The following MYO1A variants were observed in gnomAD, a reference collection of about 807,000 sequenced individuals.
MYO1A encodes myosin IA.
A neutral mutation model predicts 138.5 loss-of-function variants in MYO1A; 127 were observed. That is an observed-to-expected ratio of 0.92 (90% confidence interval 0.79 to 1.06). The LOEUF (loss-of-function observed/expected upper bound fraction) is 1.06, where lower values mean the gene tolerates loss of function less well. Among genes scored for constraint, MYO1A ranks in the 50% least tolerant of loss-of-function variants. The pLI, the probability that MYO1A is intolerant of heterozygous loss-of-function variation, is 0.00. For missense variants in MYO1A, 1,211 were observed against 1,288.8 expected (o/e 0.94, Z 0.92); for synonymous variants, 477 against 497.5 (o/e 0.96, Z 0.55).
intron 19 of MYO1A, among the ~76,000 whole-genome samples, 177 bp from the exon 20 acceptor site, chr12:57,037,268 T>C (rs1304464501): frequency 6.6e-6 from 1 of 152,216 alleles, no homozygotes; most frequent in Non-Finnish European, 1.5e-5. Context: ...TCTAACTTTG[T>C]AGCAGGCAGT....
intron 14 of MYO1A, chr12:57,039,513 T>G (rs572425234): frequency 1.9e-6 from 1 of 539,166 alleles, no homozygotes; most frequent in African/African-American, 1.9e-5. Flanking sequence ...GGTGAGACAA[T>G]GCAGAGATCC....
chr12:57,050,884 T>C (rs2031311821), upstream of MYO1A: 1 of 152,156 alleles, frequency 6.6e-6, no homozygotes, highest in South Asian at 2.1e-4. Context: ...TCCATGCTAG[T>C]GCATGGCAGA....
chr12:57,036,277 C>T, intron 22 of MYO1A, 30 bp downstream of exon 22: 1 of 1,609,500 alleles, frequency 6.2e-7, no homozygotes, highest in Admixed American at 1.7e-5. Flanking sequence ...TGCTCCATCC[C>T]TAACATCCAC....
chr12:57,032,285 C>T (rs1298400470), intron 22 of MYO1A, among the ~76,000 whole-genome samples: 1 of 152,154 alleles, frequency 6.6e-6, no homozygotes, highest in Non-Finnish European at 1.5e-5. Context: ...CACTAGTCAA[C>T]ATTTATTGAG....
chr12:57,043,011 G>A lies in MYO1A; in HGVS notation c.1098+61C>T, dbSNP rs1037559679. 143 of 1,546,820 alleles carry A rather than the reference G, an allele frequency of 9.2e-5. 1 individual carries two copies. The East Asian group carries it at 2.9e-3, about 32-fold the overall frequency. On this transcript the variant is annotated intron_variant, in intron 12 of 27. Coordinates refer to ENST00000300119, the MANE Select transcript of MYO1A (RefSeq NM_005379.4). ...TCTCAGAAACCAAGATATAGGGCTG[G>A]TGACAGGGCAGGAAGGTGAGGCAGA...
At chr12:57,048,176 T>C (rs941643699) in intron 2 of MYO1A, 34 bp downstream of exon 2, 1 of 1,603,148 alleles carries the variant, frequency 6.2e-7, no homozygotes. Flanking sequence ...TCCAGCCACA[T>C]ATCCACAGCC....
chr12:57,029,096 C>A (rs375329193), intron 27 of MYO1A, 36 bp downstream of exon 27: 2 of 1,613,728 alleles, frequency 1.2e-6, no homozygotes, highest in African/African-American at 2.7e-5. Context: ...GGCCATCTAC[C>A]GTAAGCCGCC....
At chr12:57,043,763 T>G in intron 10 of MYO1A, 93 bp downstream of exon 10, 170 of 1,535,606 alleles carry the variant, frequency 1.1e-4, no homozygotes, top group Non-Finnish European at 1.3e-4. Flanking sequence ...TGCATCAGGG[T>G]GAGATCAATT....
chr12:57,046,778 T>C, intron 7 of MYO1A, 85 bp downstream of exon 7: 1 of 1,543,164 alleles, frequency 6.5e-7, no homozygotes. Context: ...CGTCTAACAT[T>C]CTGCCTTTCT....
In MYO1A at chr12:57,030,207, C is replaced by T; in HGVS notation, c.2591+3G>A. 1 of 1,613,392 alleles carries T rather than the reference C, an allele frequency of 6.2e-7. No homozygotes were observed. The highest frequency in any genetic ancestry group is 8.5e-7 in the Non-Finnish European group (1 of 1,179,314). ...GGCTGTGCAGGGTCTGGGAGGCCCTCACCTCTGGGGATATGAAGCCTTCTT... is the reference window on the plus strand; with the variant it reads ...GGCTGTGCAGGGTCTGGGAGGCCCTTACCTCTGGGGATATGAAGCCTTCTT... On this transcript the variant is annotated splice_donor_region_variant and intron_variant, in intron 24 of 27. Transcript: ENST00000300119.
At chr12:57,048,844 C>A (rs967296305) in intron 1 of MYO1A, among the ~76,000 whole-genome samples, 11 of 152,324 alleles carry the variant, frequency 7.2e-5, no homozygotes, top group African/African-American at 2.6e-4. Flanking sequence ...ACCCAACCTA[C>A]CCATAACCAT....
At chr12:57,030,117 G>T in intron 24 of MYO1A, 93 bp downstream of exon 24, 1 of 1,301,608 alleles carries the variant, frequency 7.7e-7, no homozygotes, top group South Asian at 1.2e-5. Context: ...AGCACCTGGG[G>T]GTGACAATCC....
chr12:57,050,540 A>G (rs1400498960), upstream of MYO1A, among the ~76,000 whole-genome samples: 1 of 151,974 alleles, frequency 6.6e-6, no homozygotes, highest in African/African-American at 2.4e-5. Context: ...TCTTCCTAGC[A>G]AAAAAACAGT....
At chr12:57,051,123 TA>T (rs1345842321), upstream of MYO1A, 2 of 152,158 alleles carry the variant, frequency 1.3e-5, no homozygotes, top group Non-Finnish European at 2.9e-5. Context: ...AAGAACAAAT[TA>T]GGTAATTATA....
chr12:57,032,836 T>C (rs900500448), intron 22 of MYO1A, among the ~76,000 whole-genome samples: 4 of 152,152 alleles, frequency 2.6e-5, no homozygotes, highest in South Asian at 2.1e-4. Flanking sequence ...TAGCATAATA[T>C]GATGTTTTAA....
intron 8 of MYO1A, among the ~76,000 whole-genome samples, chr12:57,045,957 G>A (rs137969677): frequency 5.9e-4 from 90 of 152,320 alleles, no homozygotes; most frequent in African/African-American, 2.0e-3. Flanking sequence ...AGTTCTTCGA[G>A]GACAGGGTCA....
rs771181433 is a variant in MYO1A at position 57,044,105 on chromosome 12, C to G, written c.744+1G>C. On this transcript the variant is annotated splice_donor_variant, in intron 9 of 27. Coordinates refer to ENST00000300119, the MANE Select transcript of MYO1A (RefSeq NM_005379.4). LOFTEE classifies it high-confidence loss of function. The stretch of plus-strand genomic sequence containing the variant: ...AAGCCTGCCTCACCCTGGGCACCCA[C>G]CTGTACAGCCCTGAAGCTGGAGGCG... 5 of 1,614,098 alleles carry G rather than the reference C, an allele frequency of 3.1e-6. No individual in the cohort carries two copies. The highest frequency in any genetic ancestry group is 4.2e-6 in the Non-Finnish European group (5 of 1,180,038).
At chr12:57,046,507 G>T (rs980055830) in intron 8 of MYO1A, 45 bp downstream of exon 8, 12 of 1,476,240 alleles carry the variant, frequency 8.1e-6, no homozygotes, top group Non-Finnish European at 1.1e-5. Context: ...TGGGGACTTT[G>T]CCATGTGTCA....
chr12:57,028,527 C>T lies in MYO1A; in HGVS notation c.*228G>A. The T allele has an allele frequency of 1.1e-5, 6 of 548,260 alleles. No homozygotes were observed. In the South Asian group the frequency reaches 1.5e-4, roughly 14 times the overall value. 34.0% of individuals were successfully genotyped at this position (548,260 alleles called of 1,614,324 possible). A position where few individuals can be genotyped will look rare whatever the true frequency, so the allele number is the denominator to read the frequency against. ...CCCACCCACCCTGACTGAACCTTTC[C>T]AAGCCACATGTTTTATTAGTGTGCA... On this transcript the variant is annotated 3_prime_UTR_variant, in exon 28 of 28. Coordinates refer to ENST00000300119, the MANE Select transcript of MYO1A (RefSeq NM_005379.4).
Sources: gnomAD v4.1 joint callset for allele counts (sites outside exome capture counted in the v4.1 genomes callset) on GRCh38, gnomAD v4.1.1 for gene constraint, MANE v1.5 for transcripts, NCBI Gene and HGNC (gene_info 2026-07-23, HGNC 2026-07-21) for gene names.